Variants in NRG1 observed in about 807,000 individuals in gnomAD.
The protein encoded by NRG1 is neuregulin 1.
Under a neutral mutation model 63.8 loss-of-function variants are expected in NRG1, and 18 were observed. The ratio of observed to expected loss-of-function variants is 0.28; its 90% CI spans 0.19 to 0.42. NRG1 has a LOEUF of 0.42. Among genes scored for constraint, NRG1 ranks in the 10% least tolerant of loss-of-function variants. NRG1 has a pLI of 1.00. For missense variants in NRG1, 762 were observed against 814.7 expected (o/e 0.94, Z 0.79); for synonymous variants, 302 against 301.3 (o/e 1.00, Z -0.02).
chr8:32,432,100 G>T (rs1219721524), intron 1 of NRG1, among the ~76,000 whole-genome samples: 1 of 152,146 alleles, frequency 6.6e-6, no homozygotes, highest in Non-Finnish European at 1.5e-5. Context: ...AAACTATCAG[G>T]TGGGAAAGGC....
intron 1 of NRG1, among the ~76,000 whole-genome samples, chr8:32,197,170 C>T (rs764184613): frequency 4.6e-5 from 7 of 151,678 alleles, no homozygotes; most frequent in Non-Finnish European, 8.8e-5. Flanking sequence ...CCATAATGGC[C>T]AGGCTGGTCT....
At chr8:31,890,999 A>G (rs1425799289) in intron 1 of NRG1, among the ~76,000 whole-genome samples, 3 of 152,240 alleles carry the variant, frequency 2.0e-5, no homozygotes, top group African/African-American at 7.2e-5. Flanking sequence ...CACAAAAGTC[A>G]ACTGAAAATG....
rs78242743 is a variant in NRG1 at position 31,958,473 on chromosome 8, G to A, written c.37+319042G>A. On this transcript the variant is annotated intron_variant, in intron 1 of 10. Transcript: ENST00000519301. ...GTTGGCATTTTTAAATGTGTCATAT[G>A]TGGCTGGGTTGTGGGGTACAAGATG... Among the ~76,000 whole-genome samples the A allele has an allele frequency of 6.3e-3, 965 of 152,244 alleles. 13 individuals carry two copies. The highest frequency in any genetic ancestry group is 0.022 in the African/African-American group (904 of 41,534).
chr8:32,287,958 A>G (rs1216138074), intron 1 of NRG1, among the ~76,000 whole-genome samples: 1 of 152,190 alleles, frequency 6.6e-6, no homozygotes, highest in African/African-American at 2.4e-5. Flanking sequence ...CTCACTATAT[A>G]TATAGCATTG....
intron 1 of NRG1, among the ~76,000 whole-genome samples, chr8:32,097,139 C>T (rs1830001715): frequency 6.6e-6 from 1 of 152,144 alleles, no homozygotes; most frequent in Admixed American, 6.5e-5. Flanking sequence ...ACATAATGAC[C>T]TCCAATTCCA....
At chr8:32,301,055 T>C (rs1855517098) in intron 1 of NRG1, among the ~76,000 whole-genome samples, 1 of 152,190 alleles carries the variant, frequency 6.6e-6, no homozygotes, top group Non-Finnish European at 1.5e-5. Flanking sequence ...AATCTAAGCA[T>C]TGAGTCTTGG....
At chr8:32,568,817 A>C (rs1249988052) in intron 1 of NRG1, among the ~76,000 whole-genome samples, 1 of 152,214 alleles carries the variant, frequency 6.6e-6, no homozygotes, top group Non-Finnish European at 1.5e-5. Flanking sequence ...GTGATTGTAT[A>C]ATTTTAGCAA....
intron 1 of NRG1, among the ~76,000 whole-genome samples, chr8:32,076,441 A>AG (rs5890617): frequency 0.97 from 147,881 of 152,174 alleles, 72,000 homozygotes; most frequent in East Asian, 1. Context: ...GGGGTGTTTC[A>AG]GCATGTTATT....
intron 1 of NRG1, among the ~76,000 whole-genome samples, chr8:31,865,338 GTGAAGCAGGTGCTTTTC>G (rs1488195264): frequency 3.3e-5 from 5 of 152,168 alleles, no homozygotes; most frequent in South Asian, 2.1e-4. Context: ...CTCATTGAGA[GTGAAGCAGGTGCTTTTC>G]TGAAGCAGGT....
At chr8:32,320,858 G>T (rs879550551) in intron 1 of NRG1, among the ~76,000 whole-genome samples, 4 of 152,144 alleles carry the variant, frequency 2.6e-5, no homozygotes, top group Non-Finnish European at 4.4e-5. Flanking sequence ...TGAGTAATCT[G>T]GTTAATTCTG....
intron 1 of NRG1, among the ~76,000 whole-genome samples, chr8:32,183,957 G>T (rs1381609625): frequency 2.0e-5 from 3 of 152,064 alleles, no homozygotes; most frequent in African/African-American, 2.4e-5. Context: ...AGTTTCAGTT[G>T]TGTTGATTCA....
intron 1 of NRG1, among the ~76,000 whole-genome samples, chr8:32,023,250 G>A (rs1367191105): frequency 1.3e-5 from 2 of 152,156 alleles, no homozygotes; most frequent in Non-Finnish European, 2.9e-5. Context: ...TGATTTCCTG[G>A]AAACGCAGTT....
rs1014028327 is a variant in NRG1, at chr8:31,961,294, A to G, written c.37+321863A>G. ...CATCCAAATCAGTATAATCAGACCT[A>G]TTAGATCCTAGCAAAGAATTTTAAA... On this transcript the variant is annotated intron_variant, in intron 1 of 10. Coordinates refer to the NRG1 transcript ENST00000519301. 6.0e-4 allele frequency among the ~76,000 whole-genome samples: 92 copies of G among 152,202 alleles called. 2 individuals are homozygous for G. Among genetic ancestry groups the G allele is most frequent in the Non-Finnish European group, 8.8e-5 (6 of 68,032 alleles).
intron 1 of NRG1, among the ~76,000 whole-genome samples, chr8:32,341,627 C>G (rs1804090507): frequency 6.6e-6 from 1 of 152,258 alleles, no homozygotes; most frequent in South Asian, 2.1e-4. Context: ...TAGGCACAGG[C>G]AGGGGAGCTG....
At chr8:32,006,751 A>T (rs1216459198) in intron 1 of NRG1, among the ~76,000 whole-genome samples, 4 of 151,980 alleles carry the variant, frequency 2.6e-5, no homozygotes, top group Non-Finnish European at 5.9e-5. Context: ...CAACAACCTG[A>T]ATGATCTTGA....
rs566278136 is a variant in NRG1 at position 32,464,681 on chromosome 8, GTTTGT to G, written c.38-131138_38-131134del. Among the ~76,000 whole-genome samples, 275 of 151,720 alleles carry G rather than the reference GTTTGT, an allele frequency of 1.8e-3. 1 individual carries two copies. Among genetic ancestry groups the G allele is most frequent in the Non-Finnish European group, 2.9e-3 (200 of 67,870 alleles). ...CCCAGACCGTGGTTTTTTTTTGTTTGTTTGTTTTGTTTTTTATTAAATACTGTCAT... is the reference window on the plus strand; with the variant it reads ...CCCAGACCGTGGTTTTTTTTTGTTTGTTTGTTTTTTATTAAATACTGTCAT... On this transcript the variant is annotated intron_variant, in intron 1 of 10. Transcript: ENST00000519301.
At chr8:32,266,487 G>A (rs1850949555) in intron 1 of NRG1, among the ~76,000 whole-genome samples, 1 of 152,102 alleles carries the variant, frequency 6.6e-6, no homozygotes, top group Non-Finnish European at 1.5e-5. Context: ...TTCTATCTAA[G>A]GAAGATGAGT....
intron 1 of NRG1, among the ~76,000 whole-genome samples, chr8:32,523,731 T>A (rs922496164): frequency 4.6e-5 from 7 of 152,040 alleles, no homozygotes; most frequent in African/African-American, 1.7e-4. Context: ...GTGCCTGTAA[T>A]CCCAGCTACT....
intron 1 of NRG1, among the ~76,000 whole-genome samples, chr8:32,347,142 T>C (rs1369754328): frequency 1.3e-5 from 2 of 152,186 alleles, no homozygotes; most frequent in Non-Finnish European, 2.9e-5. Context: ...CATTTATCTT[T>C]TCTTTGTGTC....
Sources: allele counts gnomAD v4.1 joint callset (sites outside exome capture counted in the v4.1 genomes callset), GRCh38; gene constraint gnomAD v4.1.1; transcripts MANE v1.5; gene names NCBI Gene and HGNC (gene_info 2026-07-23, HGNC 2026-07-21).